Variants in CCDC149 observed in about 807,000 individuals in gnomAD.
CCDC149 encodes coiled-coil domain-containing protein 149.
In CCDC149, 45 loss-of-function variants were observed where a neutral mutation model predicts 59.9. The ratio of observed to expected loss-of-function variants is 0.75; its 90% confidence interval spans 0.59 to 0.96. CCDC149 has a LOEUF of 0.96. Ranked by LOEUF, CCDC149 falls within the 40% of genes least tolerant of loss-of-function variation. The probability of loss-of-function intolerance (pLI) is 0.00; values close to 1 mark genes in which losing one functional copy is unlikely to be tolerated. For missense variants in CCDC149, 584 were observed against 664.7 expected (o/e 0.88, Z 1.33); for synonymous variants, 245 against 260.6 (o/e 0.94, Z 0.58).
At chr4:24,948,602 G>T (rs1258095882) in intron 1 of CCDC149, among the ~76,000 whole-genome samples, 1 of 152,188 alleles carries the variant, frequency 6.6e-6, no homozygotes, top group Non-Finnish European at 1.5e-5. Context: ...GCAGGATGTT[G>T]ACACCTACAA....
At chr4:24,970,870 C>A (rs1723947271) in intron 1 of CCDC149, among the ~76,000 whole-genome samples, 3 of 152,246 alleles carry the variant, frequency 2.0e-5, no homozygotes, top group African/African-American at 2.4e-5. Flanking sequence ...CAATGACTAT[C>A]CCTGGAGTGG....
At chr4:24,825,964 T>G (rs1375688019) in intron 9 of CCDC149, among the ~76,000 whole-genome samples, 1 of 151,950 alleles carries the variant, frequency 6.6e-6, no homozygotes, top group Admixed American at 6.6e-5. Context: ...TGTTTTGTTT[T>G]GTTTTTTAAG....
At chr4:24,863,147 G>C (rs1722070647) in intron 3 of CCDC149, among the ~76,000 whole-genome samples, 1 of 152,010 alleles carries the variant, frequency 6.6e-6, no homozygotes, top group Non-Finnish European at 1.5e-5. Flanking sequence ...ATAAAAATTA[G>C]CCGGGCGTGG....
chr4:24,864,294 A>G (rs1718561189), intron 3 of CCDC149, among the ~76,000 whole-genome samples: 1 of 152,210 alleles, frequency 6.6e-6, no homozygotes, highest in African/African-American at 2.4e-5. Context: ...TCCAGAGATC[A>G]CAAGATTTGC....
At chr4:24,942,629 A>G (rs1413527677) in intron 1 of CCDC149, among the ~76,000 whole-genome samples, 3 of 152,220 alleles carry the variant, frequency 2.0e-5, no homozygotes, top group Admixed American at 6.5e-5. Context: ...AGATGACATG[A>G]TTGTATATCT....
chr4:24,876,760 A>G (rs1328533524), intron 1 of CCDC149, 63 bp from the exon 2 acceptor site: 3 of 1,461,128 alleles, frequency 2.1e-6, no homozygotes, highest in African/African-American at 2.8e-5. Flanking sequence ...TTAAACACAC[A>G]CCGTACTTCA....
Position 24,912,967 on chromosome 4 carries a change from G to A in CCDC149, c.-88C>T, listed in dbSNP as rs1213383792. ...CCGCCCGGGCCCCGCGCGGCCCCGAGAGGGCCCGGCGCCTCCGAGCCGCTG... is the reference window on the plus strand; with the variant it reads ...CCGCCCGGGCCCCGCGCGGCCCCGAAAGGGCCCGGCGCCTCCGAGCCGCTG... On this transcript the variant is annotated 5_prime_UTR_variant, in exon 1 of 13. Transcript: ENST00000635206. 3 of 646,118 alleles carry A rather than the reference G, an allele frequency of 4.6e-6. No individual in the cohort carries two copies. The highest frequency in any genetic ancestry group is 6.1e-6 in the Non-Finnish European group (3 of 495,274). The allele number at this position is 646,118 out of a possible 1,614,324, so 40.0% of individuals were successfully genotyped here.
chr4:24,813,741 TTTAC>T (rs1223373304), intron 12 of CCDC149, among the ~76,000 whole-genome samples: 1 of 152,064 alleles, frequency 6.6e-6, no homozygotes, highest in Non-Finnish European at 1.5e-5. Flanking sequence ...TGAGCATTTA[TTTAC>T]TTAATCAAAT....
chr4:24,821,288 C>T (rs924547384), intron 10 of CCDC149, among the ~76,000 whole-genome samples: 10 of 152,042 alleles, frequency 6.6e-5, no homozygotes, highest in East Asian at 1.9e-4. Flanking sequence ...TAAAAACCCC[C>T]GTTCATGCAT....
Position 24,912,876 on chromosome 4 carries a change from C to T in CCDC149, c.4G>A (p.Glu2Lys). Reference sequence around the variant, plus strand: ...CGGTCGCCGTTCATGGCCTCCTCCTCCATGCGCTGGCCGGCCTCCTGGACC... The same window carrying T: ...CGGTCGCCGTTCATGGCCTCCTCCTTCATGCGCTGGCCGGCCTCCTGGACC... The change falls in exon 1 of 13, where the codon GAG becomes AAG. Residue 2 changes from glutamate (E) to lysine (K), a missense_variant. By Grantham distance (56) the Glu-to-Lys change is moderately conservative (BLOSUM62 1). Coordinates refer to ENST00000635206, the MANE Select transcript of CCDC149 (RefSeq NM_001330643.2). 2 of 1,362,900 alleles carry T rather than the reference C, an allele frequency of 1.5e-6. No homozygotes were observed. The highest frequency in any genetic ancestry group is 2.9e-5 in the South Asian group (2 of 67,922). The allele number at this position is 1,362,900 out of a possible 1,614,324, so 84.4% of individuals were successfully genotyped here.
chr4:24,860,521 G>C (rs1718310082), intron 3 of CCDC149, among the ~76,000 whole-genome samples: 1 of 152,142 alleles, frequency 6.6e-6, no homozygotes, highest in African/African-American at 2.4e-5. Flanking sequence ...AACCCTTCTA[G>C]ACATTGGCTT....
intron 1 of CCDC149, among the ~76,000 whole-genome samples, chr4:24,909,051 T>C (rs1196156536): frequency 6.6e-6 from 1 of 152,220 alleles, no homozygotes; most frequent in African/African-American, 2.4e-5. Flanking sequence ...GTCATGCTTC[T>C]TTCACACGCA....
At chr4:24,832,505 T>C (rs147581367) in intron 8 of CCDC149, among the ~76,000 whole-genome samples, 8 of 152,340 alleles carry the variant, frequency 5.3e-5, no homozygotes, top group African/African-American at 1.7e-4. Flanking sequence ...TTCCATGTCA[T>C]TGAAGGACTG....
chr4:24,862,904 T>G (rs770515787), intron 3 of CCDC149, among the ~76,000 whole-genome samples: 2 of 152,192 alleles, frequency 1.3e-5, no homozygotes, highest in Non-Finnish European at 2.9e-5. Flanking sequence ...GCTTTTGTCT[T>G]TTGTCATTTA....
At position 24,853,136 on chromosome 4, in the gene CCDC149, T is replaced by G; in HGVS notation, c.308A>C (p.Lys103Thr). Residue 103 changes from lysine to threonine, a missense_variant, in exon 4 of 13, where the codon AAA (lysine) becomes ACA (threonine). By Grantham distance (78) the Lys-to-Thr change is moderately conservative. Coordinates refer to ENST00000635206, the MANE Select transcript of CCDC149 (RefSeq NM_001330643.2). The stretch of plus-strand genomic sequence containing the variant: ...TTCTTTAATTTCTTCTCCCAGATGT[T>G]TATTTCGGTCCTGAGAATCTCTCAA... 1 of 1,613,956 alleles carries G rather than the reference T, an allele frequency of 6.2e-7. No homozygotes were observed. The highest frequency in any genetic ancestry group is 8.5e-7 in the Non-Finnish European group (1 of 1,179,800).
chr4:24,916,709 C>T (rs1722131346), upstream of CCDC149, among the ~76,000 whole-genome samples: 1 of 151,582 alleles, frequency 6.6e-6, no homozygotes, highest in Non-Finnish European at 1.5e-5. Flanking sequence ...ATTTTTTTTC[C>T]CCAGTGACTT....
In CCDC149 at chr4:24,819,921, G is replaced by A. The variant is rs373188183; in HGVS notation, c.1130C>T (p.Ser377Leu). ...GACAAACTTCAGCAGTGGGGATCTC[G>A]ACCTCTGTCCACTAGGAAGAGTGGG... The change falls in exon 12 of 13, where the codon TCG becomes TTG. Residue 377 changes from serine (S) to leucine (L), a missense_variant. By Grantham distance (145) the Ser-to-Leu change is moderately radical. Transcript: ENST00000635206. The A allele has an allele frequency of 9.0e-6, 14 of 1,551,516 alleles. No individual in the cohort carries two copies. Among genetic ancestry groups the A allele is most frequent in the African/African-American group, 2.7e-5 (2 of 72,996 alleles).
chr4:24,841,643 A>C (rs935429700), intron 4 of CCDC149, among the ~76,000 whole-genome samples: 1 of 152,218 alleles, frequency 6.6e-6, no homozygotes, highest in South Asian at 2.1e-4. Flanking sequence ...CCCAGGGAGA[A>C]GGCTCCTGCC....
At chr4:24,889,374 G>A (rs1323649194) in intron 1 of CCDC149, among the ~76,000 whole-genome samples, 1 of 152,164 alleles carries the variant, frequency 6.6e-6, no homozygotes, top group African/African-American at 2.4e-5. Flanking sequence ...AAAAATCATG[G>A]CTTACCTAGA....
Sources: gnomAD v4.1 joint callset for allele counts (sites outside exome capture counted in the v4.1 genomes callset) on GRCh38, gnomAD v4.1.1 for gene constraint, MANE v1.5 for transcripts, NCBI Gene and HGNC (gene_info 2026-07-23, HGNC 2026-07-21) for gene names.